The following SYT1 variants were observed in gnomAD, a reference collection of about 807,000 sequenced individuals.
The protein encoded by SYT1 is synaptotagmin 1, also known as synaptotagmin-1.
A neutral mutation model predicts 44.8 loss-of-function variants in SYT1; 8 were observed. The ratio of observed to expected loss-of-function variants is 0.18; its 90% confidence interval spans 0.10 to 0.32. The LOEUF (loss-of-function observed/expected upper bound fraction) is 0.32, where lower values mean the gene tolerates loss of function less well. SYT1 is among the 10% of genes least tolerant of loss of function. The pLI, the probability that SYT1 is intolerant of heterozygous loss-of-function variation, is 1.00. For synonymous variants in SYT1, 154 were observed against 188.8 expected (o/e 0.82, Z 1.51); for missense variants, 286 against 509.3 (o/e 0.56, Z 4.22).
chr12:79,396,526 C>T (rs1011348016), intron 9 of SYT1, among the ~76,000 whole-genome samples: 4 of 152,042 alleles, frequency 2.6e-5, no homozygotes, highest in Non-Finnish European at 5.9e-5. Context: ...CCAGATGATA[C>T]TAATCCAGTA....
intron 2 of SYT1, among the ~76,000 whole-genome samples, chr12:79,020,314 G>A (rs1334988187): frequency 6.6e-6 from 1 of 151,838 alleles, no homozygotes; most frequent in Non-Finnish European, 1.5e-5. Flanking sequence ...ACATTATGTT[G>A]CTGCAACAAG....
intron 9 of SYT1, among the ~76,000 whole-genome samples, chr12:79,426,629 C>T (rs974155850): frequency 6.6e-6 from 1 of 152,080 alleles, no homozygotes; most frequent in South Asian, 2.1e-4. Context: ...ATATTGATAA[C>T]CTGCAGAACT....
At chr12:79,112,425 C>T (rs1036436199) in intron 3 of SYT1, among the ~76,000 whole-genome samples, 5 of 151,926 alleles carry the variant, frequency 3.3e-5, no homozygotes, top group Non-Finnish European at 5.9e-5. Flanking sequence ...ATATTAGGAC[C>T]TTAAATGCCA....
At chr12:78,941,092 G>C (rs975324571) in intron 1 of SYT1, among the ~76,000 whole-genome samples, 1 of 111,342 alleles carries the variant, frequency 9.0e-6, no homozygotes, top group Non-Finnish European at 1.7e-5. Context: ...TTGAGATGGA[G>C]TCTCGCTCTG....
chr12:78,968,850 G>C (rs1868308962), intron 1 of SYT1, among the ~76,000 whole-genome samples: 1 of 152,130 alleles, frequency 6.6e-6, no homozygotes, highest in African/African-American at 2.4e-5. Flanking sequence ...ATATAGGCCA[G>C]ATACTATCCA....
intron 2 of SYT1, among the ~76,000 whole-genome samples, chr12:79,046,818 G>A (rs180843424): frequency 8.4e-4 from 127 of 152,008 alleles, no homozygotes; most frequent in African/African-American, 2.9e-3. Flanking sequence ...AGGCAAATAT[G>A]TATAACATAT....
At chr12:78,915,372 C>G (rs371728830) in intron 1 of SYT1, among the ~76,000 whole-genome samples, 6 of 151,884 alleles carry the variant, frequency 4.0e-5, no homozygotes, top group Admixed American at 3.3e-4. Flanking sequence ...GATGCATAGC[C>G]AAGGTTAAGA....
intron 4 of SYT1, among the ~76,000 whole-genome samples, chr12:79,277,918 A>G (rs1878825576): frequency 2.0e-5 from 3 of 152,038 alleles, no homozygotes; most frequent in African/African-American, 7.2e-5. Context: ...AAAGACAAAG[A>G]AGGTCATTAT....
chr12:79,183,786 T>G (rs762437982), intron 3 of SYT1, among the ~76,000 whole-genome samples: 1 of 152,112 alleles, frequency 6.6e-6, no homozygotes, highest in Non-Finnish European at 1.5e-5. Context: ...GGTCAATCAA[T>G]GCTTACTAAA....
rs1275252894 is a variant in SYT1, at chr12:78,973,923, AAAAAAAAAAAAAAAAATATAT to A, written c.-216-3874_-216-3854del. ...AGAGGAAGAGACGAACACCAAAAAA[AAAAAAAAAAAAAAAAATATAT>A]ATATATATATATATATATATATATA... is the stretch of plus-strand genomic sequence containing the variant. On this transcript the variant is annotated intron_variant, in intron 1 of 10. Coordinates refer to ENST00000261205, the MANE Select transcript of SYT1 (RefSeq NM_005639.3). 2.5e-4 allele frequency among the ~76,000 whole-genome samples: 6 copies of A among 24,022 alleles called. 1 individual carries two copies. Among genetic ancestry groups the A allele is most frequent in the African/African-American group, 1.3e-3 (6 of 4,724 alleles). 15.8% of individuals were successfully genotyped at this position (24,022 alleles called of 152,430 possible). A position where few individuals can be genotyped will look rare whatever the true frequency, so the allele number is the denominator to read the frequency against.
chr12:78,887,094 T>C (rs1224822751), intron 1 of SYT1, among the ~76,000 whole-genome samples: 1 of 152,038 alleles, frequency 6.6e-6, no homozygotes, highest in African/African-American at 2.4e-5. Context: ...TGGCCAACCA[T>C]GGTCTGAAAA....
At chr12:79,416,314 C>T (rs1054152536) in intron 9 of SYT1, among the ~76,000 whole-genome samples, 2 of 152,046 alleles carry the variant, frequency 1.3e-5, no homozygotes, top group Non-Finnish European at 2.9e-5. Flanking sequence ...CCTGGAAGTC[C>T]CTTAGGAAAT....
chr12:79,117,704 T>TATATAAA (rs1555199600), intron 3 of SYT1, among the ~76,000 whole-genome samples: 18 of 101,750 alleles, frequency 1.8e-4, no homozygotes, highest in African/African-American at 6.2e-4. Context: ...TATATATATA[T>TATATAAA]ATATATATAT....
At chr12:79,419,454 T>C in intron 9 of SYT1, 2 of 337,726 alleles carry the variant, frequency 5.9e-6, no homozygotes, top group South Asian at 4.9e-5. Flanking sequence ...ACAAAGGATC[T>C]GAGGGTACAA....
At chr12:78,941,116 G>C (rs1321420216) in intron 1 of SYT1, among the ~76,000 whole-genome samples, 1 of 132,746 alleles carries the variant, frequency 7.5e-6, no homozygotes, top group East Asian at 2.3e-4. Flanking sequence ...CCCAGGTGGA[G>C]TGCAGTGGCA....
At chr12:78,944,103 A>G (rs1439353598) in intron 1 of SYT1, among the ~76,000 whole-genome samples, 3 of 151,924 alleles carry the variant, frequency 2.0e-5, no homozygotes, top group Non-Finnish European at 2.9e-5. Context: ...TTATTCTTAT[A>G]AAGATTTCAG....
chr12:78,949,402 A>T (rs1878843212), intron 1 of SYT1, among the ~76,000 whole-genome samples: 1 of 151,842 alleles, frequency 6.6e-6, no homozygotes, highest in Non-Finnish European at 1.5e-5. Context: ...TAACGAGTAA[A>T]ATATGTCTAC....
chr12:79,172,969 C>CA (rs200575966), intron 3 of SYT1, among the ~76,000 whole-genome samples: 3,869 of 15,702 alleles, frequency 0.25, 1,615 homozygotes, highest in Middle Eastern at 0.44. Flanking sequence ...TTCCTGCTCT[C>CA]AAAAAAAAAA....
intron 4 of SYT1, among the ~76,000 whole-genome samples, chr12:79,279,921 A>G (rs1878953984): frequency 6.6e-6 from 1 of 152,112 alleles, no homozygotes; most frequent in Non-Finnish European, 1.5e-5. Flanking sequence ...AATACCTAAA[A>G]ATATGCTTAA....
Sources: allele counts gnomAD v4.1 joint callset (sites outside exome capture counted in the v4.1 genomes callset), GRCh38; gene constraint gnomAD v4.1.1; transcripts MANE v1.5; gene names NCBI Gene and HGNC (gene_info 2026-07-23, HGNC 2026-07-21).